Variants in TBC1D8 observed in about 807,000 individuals in gnomAD.
TBC1D8 encodes BUB2-like protein 1.
TBC1D8 carries 65 observed loss-of-function variants against 118.8 expected under a neutral mutation model. That is an observed-to-expected ratio of 0.55 (90% confidence interval 0.45 to 0.67). TBC1D8 has a LOEUF of 0.67. TBC1D8 is among the 30% of genes least tolerant of loss of function. The probability of loss-of-function intolerance (pLI) is 0.00; values close to 1 mark genes in which losing one functional copy is unlikely to be tolerated. For synonymous variants in TBC1D8, 566 were observed against 595.8 expected (o/e 0.95, Z 0.73); for missense variants, 1,376 against 1,471.2 (o/e 0.94, Z 1.06).
intron 17 of TBC1D8, among the ~76,000 whole-genome samples, chr2:101,012,869 T>TAA (rs1553396639): frequency 5.3e-5 from 8 of 152,226 alleles, no homozygotes; most frequent in Non-Finnish European, 1.2e-4. Context: ...AAGCTACCCT[T>TAA]ACTTTTTCCA....
chr2:101,019,020 A>T, intron 17 of TBC1D8: 1 of 1,612,384 alleles, frequency 6.2e-7, no homozygotes, highest in Non-Finnish European at 8.5e-7. Flanking sequence ...ACAGTGTTAC[A>T]GTCGCCAAGA....
intron 1 of TBC1D8, among the ~76,000 whole-genome samples, chr2:101,101,712 C>A (rs1444388547): frequency 2.0e-5 from 3 of 152,160 alleles, no homozygotes; most frequent in Non-Finnish European, 4.4e-5. Context: ...GAATACTATG[C>A]AGCCATAAAA....
chr2:101,122,561 T>C (rs1176473591), intron 1 of TBC1D8, among the ~76,000 whole-genome samples: 1 of 152,150 alleles, frequency 6.6e-6, no homozygotes, highest in African/African-American at 2.4e-5. Context: ...CTCATTTAAA[T>C]AGCTAGTTCA....
chr2:101,011,692 C>G (rs1679226239), intron 17 of TBC1D8, among the ~76,000 whole-genome samples, 152 bp from the exon 18 acceptor site: 3 of 152,182 alleles, frequency 2.0e-5, no homozygotes, highest in Admixed American at 1.3e-4. Context: ...AAATGCACAC[C>G]AAGCACTGTC....
chr2:101,036,275 G>A, intron 8 of TBC1D8, 107 bp from the exon 9 acceptor site: 4 of 1,304,962 alleles, frequency 3.1e-6, no homozygotes, highest in Non-Finnish European at 4.3e-6. Flanking sequence ...CTCTCCGAGG[G>A]GCCAACAGCA....
At chr2:101,111,296 C>T (rs1309148975) in intron 1 of TBC1D8, among the ~76,000 whole-genome samples, 2 of 152,188 alleles carry the variant, frequency 1.3e-5, no homozygotes, top group Non-Finnish European at 2.9e-5. Context: ...GGGCGTGCAG[C>T]AGAGCAGCGG....
Position 101,089,419 on chromosome 2 carries a change from G to T in TBC1D8, c.283+790C>A, listed in dbSNP as rs550966838. ...TGGAAGACGAGCATTTATTACTCGT[G>T]TTTAAAAAAAAAAAAGATGTTTTGG... On this transcript the variant is annotated intron_variant, in intron 2 of 19. Coordinates refer to ENST00000409318, the MANE Select transcript of TBC1D8 (RefSeq NM_001330348.2). Among the ~76,000 whole-genome samples the T allele has an allele frequency of 2.6e-3, 373 of 144,540 alleles. 3 individuals carry two copies. The highest frequency in any genetic ancestry group is 9.2e-3 in the African/African-American group (363 of 39,406). 94.8% of individuals were successfully genotyped at this position (144,540 alleles called of 152,430 possible). A position where few individuals can be genotyped will look rare whatever the true frequency, so the allele number is the denominator to read the frequency against.
chr2:101,045,621 G>A (rs546227872), intron 5 of TBC1D8, among the ~76,000 whole-genome samples: 5 of 152,300 alleles, frequency 3.3e-5, no homozygotes, highest in African/African-American at 1.2e-4. Context: ...GATAAGGGAG[G>A]GCAAACTCAG....
At position 101,054,672 on chromosome 2, in the gene TBC1D8, C is replaced by CTTTTTTTTTTTTTTTTTT. The variant is rs34465252; in HGVS notation, c.403-354_403-337dup. ...ACAAACAATCATTTTCTTTTCTTTTCTTTTTTTTTTTTTTTTTTTTTTTTT... is the reference window on the plus strand; with the variant it reads ...ACAAACAATCATTTTCTTTTCTTTTCTTTTTTTTTTTTTTTTTTTTTTTTTTTTTTTTTTTTTTTTTTT... On this transcript the variant is annotated intron_variant, in intron 3 of 19. Coordinates refer to ENST00000409318, the MANE Select transcript of TBC1D8 (RefSeq NM_001330348.2). 8.6e-4 allele frequency among the ~76,000 whole-genome samples: 22 copies of CTTTTTTTTTTTTTTTTTT among 25,436 alleles called. 1 individual carries two copies. The highest frequency in any genetic ancestry group is 1.5e-3 in the East Asian group (1 of 652). 16.7% of individuals were successfully genotyped at this position (25,436 alleles called of 152,430 possible).
chr2:101,076,320 T>C (rs1156940020), intron 2 of TBC1D8, among the ~76,000 whole-genome samples: 3 of 152,200 alleles, frequency 2.0e-5, no homozygotes, highest in African/African-American at 7.2e-5. Context: ...AAAAAAACCT[T>C]TGACGAAAGC....
intron 5 of TBC1D8, among the ~76,000 whole-genome samples, chr2:101,047,363 C>G (rs1336798792): frequency 6.6e-6 from 1 of 152,212 alleles, no homozygotes; most frequent in Non-Finnish European, 1.5e-5. Context: ...TGAGGCTCAC[C>G]CGGCTCGTGA....
At chr2:101,041,557 C>A (rs1681385217) in intron 5 of TBC1D8, among the ~76,000 whole-genome samples, 2 of 152,110 alleles carry the variant, frequency 1.3e-5, no homozygotes, top group Admixed American at 1.3e-4. Context: ...TGGGAAGTGA[C>A]TGCTCATGGG....
chr2:101,053,604 A>T (rs1029280551), intron 4 of TBC1D8, among the ~76,000 whole-genome samples: 1 of 151,974 alleles, frequency 6.6e-6, no homozygotes, highest in Admixed American at 6.5e-5. Context: ...TTGGAATCCC[A>T]TTGCCTAGGA....
chr2:101,141,433 TCTC>T (rs1223119923), intron 1 of TBC1D8, among the ~76,000 whole-genome samples: 2 of 152,246 alleles, frequency 1.3e-5, no homozygotes, highest in Admixed American at 1.3e-4. Context: ...CACTTTCTCT[TCTC>T]CTAGAAGTTG....
chr2:101,012,604 C>T (rs575813398), intron 17 of TBC1D8, among the ~76,000 whole-genome samples: 209 of 147,972 alleles, frequency 1.4e-3, no homozygotes, highest in African/African-American at 4.9e-3. Context: ...TTGTGGTGAT[C>T]GCTGCACAAC....
At chr2:101,130,164 G>C (rs1275953204) in intron 1 of TBC1D8, among the ~76,000 whole-genome samples, 1 of 152,208 alleles carries the variant, frequency 6.6e-6, no homozygotes, top group East Asian at 1.9e-4. Flanking sequence ...CAGCTGCTGG[G>C]GTTATTTTTA....
At chr2:101,061,187 C>CAAA (rs397785120) in intron 2 of TBC1D8, among the ~76,000 whole-genome samples, 57 of 52,244 alleles carry the variant, frequency 1.1e-3, no homozygotes, top group Non-Finnish European at 1.3e-3. Context: ...GACTCTGTCT[C>CAAA]AAAAAAAAAA....
At chr2:101,142,870 G>A (rs1307538250) in intron 1 of TBC1D8, among the ~76,000 whole-genome samples, 1 of 151,998 alleles carries the variant, frequency 6.6e-6, no homozygotes, top group Non-Finnish European at 1.5e-5. Flanking sequence ...TCAGGCATAG[G>A]ATATACTCTT....
chr2:101,109,320 A>G (rs1677429241), intron 1 of TBC1D8, among the ~76,000 whole-genome samples: 1 of 152,182 alleles, frequency 6.6e-6, no homozygotes, highest in Admixed American at 6.5e-5. Flanking sequence ...AAGAAAACTC[A>G]GGAAGAAAGA....
Sources: gnomAD v4.1 joint callset for allele counts (sites outside exome capture counted in the v4.1 genomes callset) on GRCh38, gnomAD v4.1.1 for gene constraint, MANE v1.5 for transcripts, NCBI Gene and HGNC (gene_info 2026-07-23, HGNC 2026-07-21) for gene names.